CDH13: variants seen among roughly 807,000 people sequenced by gnomAD.
The protein encoded by CDH13 is cadherin 13.
CDH13 carries 24 observed loss-of-function variants against 63.8 expected under a neutral mutation model. That is an observed-to-expected ratio of 0.38 (90% confidence interval 0.27 to 0.53). The LOEUF is 0.53. Ranked by LOEUF, CDH13 falls within the 20% of genes least tolerant of loss-of-function variation. The probability of loss-of-function intolerance (pLI) is 0.85; values close to 1 mark genes in which losing one functional copy is unlikely to be tolerated. For synonymous variants in CDH13, 503 were observed against 355.3 expected (o/e 1.42, Z -4.67); for missense variants, 1,049 against 903.1 (o/e 1.16, Z -2.07).
chr16:83,150,392 A>G (rs557821941), intron 4 of CDH13, among the ~76,000 whole-genome samples: 1 of 151,996 alleles, frequency 6.6e-6, no homozygotes, highest in South Asian at 2.1e-4. Context: ...CCTTGCTATC[A>G]TTATCTCTGT....
intron 3 of CDH13, among the ~76,000 whole-genome samples, chr16:83,072,007 A>T (rs1017179003): frequency 2.0e-5 from 3 of 152,126 alleles, no homozygotes; most frequent in Non-Finnish European, 4.4e-5. Context: ...TTCTTGGATA[A>T]GCTTTTAAAA....
intron 3 of CDH13, among the ~76,000 whole-genome samples, chr16:83,121,050 C>T (rs2035547780): frequency 6.6e-6 from 1 of 152,170 alleles, no homozygotes; most frequent in Non-Finnish European, 1.5e-5. Context: ...GCGTGATCCG[C>T]TGCGCCCAGC....
intron 8 of CDH13, among the ~76,000 whole-genome samples, chr16:83,627,958 G>A (rs555570633): frequency 3.9e-5 from 6 of 152,158 alleles, no homozygotes; most frequent in East Asian, 1.9e-4. Flanking sequence ...TTTTTAGACC[G>A]TATAGGGTAA....
intron 4 of CDH13, among the ~76,000 whole-genome samples, chr16:83,161,117 A>T (rs2037425851): frequency 6.6e-6 from 1 of 152,152 alleles, no homozygotes; most frequent in Admixed American, 6.5e-5. Flanking sequence ...GAAAGCTTTG[A>T]ATTTTTGATA....
At chr16:83,717,274 A>T (rs1051724699) in intron 10 of CDH13, among the ~76,000 whole-genome samples, 1 of 152,148 alleles carries the variant, frequency 6.6e-6, no homozygotes, top group Non-Finnish European at 1.5e-5. Flanking sequence ...AAAAAAAGAA[A>T]AGAAAGTGAG....
chr16:82,842,095 T>C (rs28760269), intron 1 of CDH13, among the ~76,000 whole-genome samples: 5,195 of 39,682 alleles, frequency 0.13, 236 homozygotes, highest in Non-Finnish European at 0.16. Context: ...ATTCTACATA[T>C]ATATATATAT....
chr16:83,550,535 A>G (rs578074539), intron 7 of CDH13, among the ~76,000 whole-genome samples: 1 of 152,238 alleles, frequency 6.6e-6, no homozygotes, highest in Admixed American at 6.5e-5. Flanking sequence ...AATTCCGCTC[A>G]TAATGGAAGA....
At chr16:83,294,685 G>A (rs1328548919) in intron 5 of CDH13, among the ~76,000 whole-genome samples, 1 of 151,854 alleles carries the variant, frequency 6.6e-6, no homozygotes, top group Non-Finnish European at 1.5e-5. Context: ...GGAAGTGAAT[G>A]ATCTTTACAC....
intron 1 of CDH13, among the ~76,000 whole-genome samples, chr16:82,668,166 T>C (rs917993707): frequency 5.3e-5 from 8 of 152,074 alleles, no homozygotes; most frequent in African/African-American, 1.4e-4. Flanking sequence ...ATACAGACCA[T>C]GGGCTTGTAG....
At chr16:82,998,968 C>T (rs1267062049) in intron 2 of CDH13, among the ~76,000 whole-genome samples, 3 of 150,444 alleles carry the variant, frequency 2.0e-5, no homozygotes, top group African/African-American at 4.9e-5. Flanking sequence ...ATTTTCCTTA[C>T]GCACATGAAT....
intron 3 of CDH13, among the ~76,000 whole-genome samples, chr16:83,087,704 C>T (rs1010917109): frequency 3.9e-4 from 54 of 139,132 alleles, no homozygotes; most frequent in African/African-American, 1.4e-3. Flanking sequence ...AAAAGCCTAG[C>T]ACCAAAGTAT....
At chr16:83,396,310 G>C (rs2091886101) in intron 6 of CDH13, among the ~76,000 whole-genome samples, 1 of 152,158 alleles carries the variant, frequency 6.6e-6, no homozygotes, top group Non-Finnish European at 1.5e-5. Flanking sequence ...GGATTGTTCA[G>C]AGTATGATAA....
intron 10 of CDH13, among the ~76,000 whole-genome samples, chr16:83,723,602 C>T (rs1396722268): frequency 6.6e-6 from 1 of 152,196 alleles, no homozygotes; most frequent in Non-Finnish European, 1.5e-5. Flanking sequence ...CTCAACTCTG[C>T]CCACCTGTCA....
chr16:83,746,636 C>G (rs1031979456), intron 10 of CDH13, among the ~76,000 whole-genome samples: 3 of 152,006 alleles, frequency 2.0e-5, no homozygotes, highest in African/African-American at 4.8e-5. Flanking sequence ...TCTGGCCATA[C>G]AAGGCAGAGA....
intron 7 of CDH13, among the ~76,000 whole-genome samples, chr16:83,501,546 G>A (rs1238114020): frequency 1.3e-5 from 2 of 152,210 alleles, no homozygotes; most frequent in East Asian, 3.9e-4. Flanking sequence ...CAGCCACCAT[G>A]TAAACAATTA....
At chr16:83,459,473 T>G (rs1384157906) in intron 6 of CDH13, among the ~76,000 whole-genome samples, 1 of 152,266 alleles carries the variant, frequency 6.6e-6, no homozygotes, top group Non-Finnish European at 1.5e-5. Flanking sequence ...CCATGGACTT[T>G]AATTAATTTT....
chr16:83,201,698 C>T (rs996743977), intron 4 of CDH13, among the ~76,000 whole-genome samples: 4 of 151,300 alleles, frequency 2.6e-5, no homozygotes, highest in Non-Finnish European at 4.4e-5. Context: ...GAGATCGAGA[C>T]CATCCCGGCT....
At chr16:83,105,653 T>C (rs9923171) in intron 3 of CDH13, among the ~76,000 whole-genome samples, 27,373 of 151,932 alleles carry the variant, frequency 0.18, 3,384 homozygotes, top group African/African-American at 0.35. Flanking sequence ...ATACTACTTA[T>C]TAAAGTTAAA....
intron 7 of CDH13, among the ~76,000 whole-genome samples, chr16:83,571,500 A>G (rs1229493951): frequency 6.6e-6 from 1 of 152,148 alleles, no homozygotes; most frequent in African/African-American, 2.4e-5. Flanking sequence ...GTTTAAGCAA[A>G]TTTGAAAGAA....
Sources: allele counts gnomAD v4.1 joint callset (sites outside exome capture counted in the v4.1 genomes callset), GRCh38; gene constraint gnomAD v4.1.1; transcripts MANE v1.5; gene names NCBI Gene and HGNC (gene_info 2026-07-23, HGNC 2026-07-21).